ABCG2: variants seen among roughly 807,000 people sequenced by gnomAD.
ABCG2 encodes broad substrate specificity ATP-binding cassette transporter ABCG2.
In ABCG2, 80 loss-of-function variants were observed where a neutral mutation model predicts 73.5. The ratio of observed to expected loss-of-function variants is 1.09; its 90% CI spans 0.91 to 1.31. The LOEUF is 1.31. ABCG2 is among the 50% of genes most tolerant of loss of function. The pLI is 0.00. For missense variants in ABCG2, 796 were observed against 786.2 expected, an observed-to-expected ratio of 1.01 and a Z score of -0.15; for synonymous variants, 269 against 282.4, an observed-to-expected ratio of 0.95 and a Z score of 0.48.
At chr4:88,194,591 G>A in intron 1 of ABCG2, among the ~76,000 whole-genome samples, 1 of 133,864 alleles carries the variant, frequency 7.5e-6, no homozygotes, top group African/African-American at 2.8e-5. Flanking sequence ...AAAAGTGTGG[G>A]TGCTTGAAAC....
chr4:88,201,987 T>C (rs548032201), intron 1 of ABCG2, among the ~76,000 whole-genome samples: 1 of 152,110 alleles, frequency 6.6e-6, no homozygotes, highest in Non-Finnish European at 1.5e-5. Context: ...ATTTAATTGG[T>C]ATGAGTGTGG....
At chr4:88,202,562 C>G (rs1729227581) in intron 1 of ABCG2, among the ~76,000 whole-genome samples, 1 of 151,414 alleles carries the variant, frequency 6.6e-6, no homozygotes, top group Non-Finnish European at 1.5e-5. Context: ...TAGCTGGTCT[C>G]TCACCTCACA....
intron 5 of ABCG2, among the ~76,000 whole-genome samples, chr4:88,122,460 C>T (rs1403146013): frequency 5.9e-5 from 9 of 152,170 alleles, no homozygotes; most frequent in Admixed American, 5.9e-4. Context: ...CTAAAGTCAA[C>T]CTGGGAAGCT....
intron 1 of ABCG2, among the ~76,000 whole-genome samples, chr4:88,230,470 A>G (rs920633756): frequency 1.3e-5 from 2 of 151,906 alleles, no homozygotes; most frequent in Admixed American, 1.3e-4. Context: ...TACAAAAATT[A>G]CAAAAGGATT....
At chr4:88,123,969 C>T (rs1055678588) in intron 5 of ABCG2, among the ~76,000 whole-genome samples, 6 of 152,288 alleles carry the variant, frequency 3.9e-5, no homozygotes, top group Non-Finnish European at 7.4e-5. Context: ...GATCTCTCTG[C>T]AGAAACCCTA....
chr4:88,139,922 G>A lies in ABCG2; in HGVS notation c.74C>T (p.Ser25Phe), dbSNP rs911128576. The A allele has an allele frequency of 6.2e-7, 1 of 1,614,144 alleles. No individual in the cohort carries two copies. The highest frequency in any genetic ancestry group is 8.5e-7 in the Non-Finnish European group (1 of 1,180,014). Reference sequence around the variant, plus strand: ...TTCAGTAAATGCCTTCAGGTCATTGGAAGCTGTCGCGGGGAAGCCATTGGT... The same window carrying A: ...TTCAGTAAATGCCTTCAGGTCATTGAAAGCTGTCGCGGGGAAGCCATTGGT... ...GNTNGFPATASNDLKAFTEGA... is the reference protein window; with the variant it reads ...GNTNGFPATAFNDLKAFTEGA... The change falls in exon 2 of 16, where the codon TCC becomes TTC. Residue 25 changes from serine to phenylalanine, a missense_variant. Transcript: ENST00000237612.
chr4:88,182,781 C>T (rs906418382), intron 1 of ABCG2, among the ~76,000 whole-genome samples: 2 of 151,912 alleles, frequency 1.3e-5, no homozygotes, highest in African/African-American at 2.4e-5. Context: ...TATATATGCA[C>T]CTACATAAAA....
intron 1 of ABCG2, among the ~76,000 whole-genome samples, chr4:88,177,788 T>C (rs767150416): frequency 3.9e-5 from 6 of 152,110 alleles, no homozygotes; most frequent in Non-Finnish European, 8.8e-5. Flanking sequence ...ACAGCGATTA[T>C]GGGACTTCGC....
chr4:88,134,070 A>C (rs1231013388), intron 2 of ABCG2, among the ~76,000 whole-genome samples: 1 of 152,150 alleles, frequency 6.6e-6, no homozygotes, highest in Admixed American at 6.5e-5. Context: ...AAACACAGGT[A>C]TCTATGCCCA....
rs34245094 is a variant in ABCG2 at position 88,095,471 on chromosome 4, T to C, written c.1737+49A>G. ...TGAGATGAGGACACTTGATTTCCATTGTTCCTAGCTTGGGAATGCAGTCAC... is the reference window on the plus strand; with the variant it reads ...TGAGATGAGGACACTTGATTTCCATCGTTCCTAGCTTGGGAATGCAGTCAC... On this transcript the variant is annotated intron_variant, in intron 14 of 15. Coordinates refer to ENST00000237612, the MANE Select transcript of ABCG2 (RefSeq NM_004827.3). The C allele has an allele frequency of 1.7e-4, 251 of 1,516,090 alleles. No individual in the cohort carries two copies. In the Middle Eastern group the frequency reaches 4.3e-3, roughly 26 times the overall value. 93.9% of individuals were successfully genotyped at this position (1,516,090 alleles called of 1,614,324 possible). A position where few individuals can be genotyped will look rare whatever the true frequency, so the allele number is the denominator to read the frequency against.
rs72554038 is a variant in ABCG2 at position 88,146,227 on chromosome 4, G to GA, written c.-19-6214dup. Among the ~76,000 whole-genome samples the GA allele has an allele frequency of 7.3e-5, 11 of 150,744 alleles. No homozygotes were observed. The South Asian group carries it at 2.3e-3, about 32-fold the overall frequency. Reference sequence around the variant, plus strand: ...TTTTCTTAAATGTTACTTTAGAGAAGAAAAAATCCTTTTCCATCTCCCCTG... The same window carrying GA: ...TTTTCTTAAATGTTACTTTAGAGAAGAAAAAAATCCTTTTCCATCTCCCCTG... On this transcript the variant is annotated intron_variant, in intron 1 of 15. Coordinates refer to ENST00000237612, the MANE Select transcript of ABCG2 (RefSeq NM_004827.3).
intron 1 of ABCG2, among the ~76,000 whole-genome samples, chr4:88,221,407 C>T (rs951088458): frequency 5.3e-5 from 8 of 151,996 alleles, no homozygotes; most frequent in African/African-American, 1.7e-4. Context: ...AATGTAGAAA[C>T]GACTTTGGAA....
Position 88,118,261 on chromosome 4 carries a change from C to G in ABCG2, c.690-1G>C. 1 of 1,613,566 alleles carries G rather than the reference C, an allele frequency of 6.2e-7. No individual in the cohort carries two copies. Among genetic ancestry groups the G allele is most frequent in the Non-Finnish European group, 8.5e-7 (1 of 1,179,732 alleles). On this transcript the variant is annotated splice_acceptor_variant, in intron 6 of 15. Coordinates refer to ENST00000237612, the MANE Select transcript of ABCG2 (RefSeq NM_004827.3). LOFTEE classifies it high-confidence loss of function. ...GATTGTTCGTCCCTGCTTAGACATC[C>G]TAAGTTAAAAGTGAGACAATACTAA...
chr4:88,115,256 C>CTCTCTCTCTCTCTATA (rs1309360818), intron 7 of ABCG2, among the ~76,000 whole-genome samples, 198 bp from the exon 8 acceptor site: 12 of 69,870 alleles, frequency 1.7e-4, no homozygotes, highest in African/African-American at 6.2e-4. Context: ...CTCTCTCTCT[C>CTCTCTCTCTCTCTATA]TATATATATA....
Position 88,139,798 on chromosome 4 carries a change from ATTCGATAATAT to A in ABCG2, c.187_197del (p.Ile63TyrfsTer54), listed in dbSNP as rs565722112. On this transcript the variant is annotated frameshift_variant, in exon 2 of 16. Coordinates refer to ENST00000237612, the MANE Select transcript of ABCG2 (RefSeq NM_004827.3). LOFTEE classifies it high-confidence loss of function. ...TTACAAGTTCATGTACATACTTGAT[ATTCGATAATAT>A]TTCTTTCTCAACTGGTTTTCGACAA... The A allele has an allele frequency of 1.3e-4, 209 of 1,613,452 alleles. 1 individual carries two copies. Among genetic ancestry groups the A allele is most frequent in the Admixed American group, 1.0e-3 (62 of 59,966 alleles).
At chr4:88,099,517 T>C in intron 11 of ABCG2, 69 bp from the exon 12 acceptor site, 3 of 1,479,646 alleles carry the variant, frequency 2.0e-6, no homozygotes, top group Non-Finnish European at 2.7e-6. Context: ...GCTAGACTTG[T>C]CTGTTACAGA....
At chr4:88,126,126 T>C (rs1286706397) in intron 5 of ABCG2, among the ~76,000 whole-genome samples, 2 of 152,034 alleles carry the variant, frequency 1.3e-5, no homozygotes, top group African/African-American at 2.4e-5. Context: ...AAATACAAAC[T>C]ACCATCAAAG....
intron 10 of ABCG2, 89 bp downstream of exon 10, chr4:88,107,095 C>T (rs1722818294): frequency 1.0e-6 from 1 of 982,702 alleles, no homozygotes; most frequent in Non-Finnish European, 1.5e-6. Flanking sequence ...TTACACTATA[C>T]TTGTCTTAAA....
At chr4:88,101,567 C>T (rs950403968) in intron 10 of ABCG2, among the ~76,000 whole-genome samples, 1 of 152,070 alleles carries the variant, frequency 6.6e-6, no homozygotes, top group African/African-American at 2.4e-5. Flanking sequence ...CGTCTCCCCC[C>T]ACCAAAATTC....
Sources: gnomAD v4.1 joint callset for allele counts (sites outside exome capture counted in the v4.1 genomes callset) on GRCh38, gnomAD v4.1.1 for gene constraint, MANE v1.5 for transcripts, NCBI Gene and HGNC (gene_info 2026-07-23, HGNC 2026-07-21) for gene names.